The following GSN variants were observed in gnomAD, a reference collection of about 807,000 sequenced individuals.
The protein encoded by GSN is gelsolin, also known as actin-depolymerizing factor.
A neutral mutation model predicts 85.7 loss-of-function variants in GSN; 56 were observed. That is an observed-to-expected ratio of 0.65 (90% CI 0.53 to 0.82). The LOEUF is 0.82. Ranked by LOEUF, GSN falls within the 40% of genes least tolerant of loss-of-function variation. The pLI, the probability that GSN is intolerant of heterozygous loss-of-function variation, is 0.00. For synonymous variants in GSN, 373 were observed against 399.1 expected (o/e 0.93, Z 0.78); for missense variants, 857 against 979.8 (o/e 0.87, Z 1.67).
upstream of GSN, chr9:121,268,042 C>CG (rs1469936238): frequency 6.6e-6 from 1 of 151,906 alleles, no homozygotes; most frequent in Non-Finnish European, 1.5e-5. Context: ...CAGCAGCCGA[C>CG]GGGAGGGCCT....
intron 6 of GSN, among the ~76,000 whole-genome samples, chr9:121,251,075 C>T (rs1006354598): frequency 5.9e-5 from 9 of 151,792 alleles, no homozygotes; most frequent in East Asian, 5.8e-4. Context: ...ATCCTCCTGC[C>T]GCGGCATCCC....
intron 5 of GSN, chr9:121,239,840 C>T (rs979208535): frequency 4.3e-6 from 1 of 235,190 alleles, no homozygotes; most frequent in Non-Finnish European, 8.7e-6. Flanking sequence ...AGAACTTGCC[C>T]ATGTCTCTGT....
intron 1 of GSN, among the ~76,000 whole-genome samples, chr9:121,270,975 G>C (rs530446792): frequency 2.6e-5 from 4 of 152,330 alleles, no homozygotes; most frequent in South Asian, 4.1e-4. Flanking sequence ...TGGACCCCCA[G>C]TCTTGGTTCT....
At position 121,318,820 on chromosome 9, in the gene GSN, C is replaced by T. The variant is rs1350253791; in HGVS notation, c.1131C>T (p.His377=). Residue 377 remains histidine (H), a synonymous_variant, in exon 10 of 18, where the codon CAC becomes CAT. Transcript: ENST00000432226. This position sits in a 1 kb window ranked among gnomAD's most constrained non-coding sequence, Gnocchi z 4.3. ...TGCCCTTCGACGCCGCCACCCTGCA[C>T]ACCTCCACTGCCATGGCCGCCCAGC... ...ERVPFDAATL[H]TSTAMAAQHG... 7.4e-6 allele frequency: 12 copies of T among 1,614,150 alleles called. No homozygotes were observed. Among genetic ancestry groups the T allele is most frequent in the Non-Finnish European group, 1.0e-5 (12 of 1,180,040 alleles).
At chr9:121,274,684 G>A (rs1472531579) in intron 1 of GSN, among the ~76,000 whole-genome samples, 1 of 152,114 alleles carries the variant, frequency 6.6e-6, no homozygotes, top group East Asian at 1.9e-4. Context: ...GCAGGGTAGG[G>A]GTCAGCGGAT....
chr9:121,214,285 CCTT>C (rs999575297), intron 4 of GSN, among the ~76,000 whole-genome samples: 3 of 151,662 alleles, frequency 2.0e-5, no homozygotes, highest in African/African-American at 7.3e-5. Context: ...CTCTCCTCCT[CCTT>C]CTTCCTCTTC....
At chr9:121,227,431 C>G (rs1362834180) in intron 4 of GSN, among the ~76,000 whole-genome samples, 3 of 151,760 alleles carry the variant, frequency 2.0e-5, no homozygotes, top group South Asian at 4.2e-4. Context: ...CACTGGTAAA[C>G]GTGTTTCCCT....
chr9:121,282,155 G>C (rs533717587), intron 2 of GSN: 3 of 477,012 alleles, frequency 6.3e-6, no homozygotes, highest in Middle Eastern at 6.3e-4. Flanking sequence ...AGAGTCCTGG[G>C]CTGGAAGCCA....
intron 2 of GSN, among the ~76,000 whole-genome samples, chr9:121,300,391 T>C (rs1199858298): frequency 6.6e-6 from 1 of 152,080 alleles, no homozygotes; most frequent in Non-Finnish European, 1.5e-5. Flanking sequence ...TCTCTCCTTC[T>C]CCAATATTTC....
chr9:121,260,565 G>A (rs928590219), intron 6 of GSN, among the ~76,000 whole-genome samples: 2 of 152,200 alleles, frequency 1.3e-5, no homozygotes, highest in African/African-American at 4.8e-5. Flanking sequence ...TGGGGCTAGT[G>A]CAGCACAACC....
chr9:121,332,838 G>A lies in GSN; in HGVS notation c.*235G>A, dbSNP rs1480235147. On this transcript the variant is annotated 3_prime_UTR_variant, in exon 18 of 18. Coordinates refer to ENST00000432226, the MANE Select transcript of GSN (RefSeq NM_198252.3). The surrounding 1 kb of genome is among the most constrained non-coding windows in gnomAD (Gnocchi z 4.8). ...TTAAATCCAATAAAAACATTTTGAA[G>A]TGTGTACTCTAGTGTGGCTCGTTTC... 1 of 551,986 alleles carries A rather than the reference G, an allele frequency of 1.8e-6. No individual in the cohort carries two copies. The highest frequency in any genetic ancestry group is 3.2e-6 in the Non-Finnish European group (1 of 308,772). 34.2% of individuals were successfully genotyped at this position (551,986 alleles called of 1,614,324 possible). A position where few individuals can be genotyped will look rare whatever the true frequency, so the allele number is the denominator to read the frequency against.
chr9:121,287,078 C>T (rs1027669616), intron 2 of GSN, among the ~76,000 whole-genome samples: 10 of 152,120 alleles, frequency 6.6e-5, no homozygotes, highest in South Asian at 2.1e-4. Context: ...TTGGAGCCTC[C>T]GACTCCACCC....
intron 4 of GSN, among the ~76,000 whole-genome samples, chr9:121,227,006 G>C (rs1418360322): frequency 1.3e-5 from 2 of 152,146 alleles, no homozygotes; most frequent in African/African-American, 2.4e-5. Context: ...AACTCTATGG[G>C]GACAGAAGCT....
At chr9:121,253,262 G>C (rs1214593290) in intron 6 of GSN, among the ~76,000 whole-genome samples, 2 of 152,218 alleles carry the variant, frequency 1.3e-5, no homozygotes, top group Admixed American at 1.3e-4. Context: ...CATAACCCTT[G>C]ACAGGTTTTA....
intron 6 of GSN, among the ~76,000 whole-genome samples, chr9:121,257,616 A>ATCCCAGCACTTT (rs2054993355): frequency 6.6e-6 from 1 of 152,198 alleles, no homozygotes; most frequent in African/African-American, 2.4e-5. Context: ...CCCGTCTGTA[A>ATCCCAGCACTTT]TCCCAGCACT....
intron 2 of GSN, chr9:121,300,227 C>T (rs535509988): frequency 5.0e-6 from 4 of 802,380 alleles, no homozygotes; most frequent in South Asian, 4.2e-5. Flanking sequence ...TCACCTTGGC[C>T]GGATTTCTTT....
intron 3 of GSN, among the ~76,000 whole-genome samples, chr9:121,302,429 C>G (rs146188672): frequency 7.2e-5 from 11 of 152,296 alleles, no homozygotes; most frequent in African/African-American, 2.6e-4. Context: ...CACTACCTCA[C>G]AGGAATGTTG....
rs144012363 is a variant in GSN, at chr9:121,213,524, C to A, written c.-528+2657C>A. On this transcript the variant is annotated intron_variant, in intron 4 of 24. Coordinates refer to the GSN transcript ENST00000373823. ...GTTTCCTCAGTCTCTTTGTTAGTTCCTCTGTTTTTCCAAGCCAGAAGAAAG... is the reference window on the plus strand; with the variant it reads ...GTTTCCTCAGTCTCTTTGTTAGTTCATCTGTTTTTCCAAGCCAGAAGAAAG... 1.4e-3 allele frequency among the ~76,000 whole-genome samples: 209 copies of A among 152,320 alleles called. 2 individuals carry two copies. The highest frequency in any genetic ancestry group is 0.01 in the Middle Eastern group (3 of 294).
intron 6 of GSN, among the ~76,000 whole-genome samples, chr9:121,258,136 A>G (rs1588501569): frequency 6.6e-6 from 1 of 152,204 alleles, no homozygotes; most frequent in East Asian, 1.9e-4. Context: ...TGTCAGTCCT[A>G]TATCTGGTGC....
Sources: gnomAD v4.1 joint callset for allele counts (sites outside exome capture counted in the v4.1 genomes callset) on GRCh38, gnomAD v4.1.1 for gene constraint, Gnocchi (gnomAD v3.1) non-coding constraint, MANE v1.5 for transcripts, NCBI Gene and HGNC (gene_info 2026-07-23, HGNC 2026-07-21) for gene names.